The following STK3 variants were observed in gnomAD, a reference collection of about 807,000 sequenced individuals.
The protein encoded by STK3 is serine/threonine-protein kinase 3.
Under a neutral mutation model 58.0 loss-of-function variants are expected in STK3, and 41 were observed. The ratio of observed to expected loss-of-function variants is 0.71; its 90% CI spans 0.55 to 0.92. STK3 has a LOEUF of 0.92. Among genes scored for constraint, STK3 ranks in the 40% least tolerant of loss-of-function variants. The pLI is 0.00. For synonymous variants in STK3, 170 were observed against 191.0 expected (o/e 0.89, Z 0.91); for missense variants, 479 against 602.7 (o/e 0.79, Z 2.15).
intron 7 of STK3, among the ~76,000 whole-genome samples, chr8:98,589,127 T>A (rs1814984360): frequency 6.6e-6 from 1 of 152,238 alleles, no homozygotes; most frequent in Admixed American, 6.5e-5. Flanking sequence ...CCAGCTTTGT[T>A]CCGTTGCTGG....
chr8:98,599,849 T>C (rs1209247122), intron 6 of STK3, among the ~76,000 whole-genome samples: 5 of 152,054 alleles, frequency 3.3e-5, no homozygotes, highest in Non-Finnish European at 7.4e-5. Flanking sequence ...CAGGCACTTG[T>C]AATCCCAGCT....
chr8:98,804,797 T>A (rs182348576), intron 1 of STK3, among the ~76,000 whole-genome samples: 43 of 152,320 alleles, frequency 2.8e-4, no homozygotes, highest in Admixed American at 2.4e-3. Flanking sequence ...TATGCCATAT[T>A]ACATAATAGT....
intron 3 of STK3, among the ~76,000 whole-genome samples, chr8:98,858,436 G>C (rs1256730382): frequency 2.0e-5 from 3 of 148,112 alleles, no homozygotes; most frequent in African/African-American, 7.4e-5. Flanking sequence ...CAAAGTGCTA[G>C]GATTACAGGC....
At chr8:98,684,940 G>C (rs1823883064) in intron 6 of STK3, among the ~76,000 whole-genome samples, 1 of 152,084 alleles carries the variant, frequency 6.6e-6, no homozygotes, top group African/African-American at 2.4e-5. Flanking sequence ...AATAAGTATG[G>C]TTTCATGTAT....
At chr8:98,387,193 G>A (rs1817799874) in intron 1 of STK3, among the ~76,000 whole-genome samples, 1 of 152,028 alleles carries the variant, frequency 6.6e-6, no homozygotes, top group Non-Finnish European at 1.5e-5. Context: ...ATCTTGCATA[G>A]AAATACAAAG....
At chr8:98,440,564 C>CGTGTGT (rs59209840) in intron 1 of STK3, among the ~76,000 whole-genome samples, 5 of 150,056 alleles carry the variant, frequency 3.3e-5, no homozygotes, top group South Asian at 2.1e-4. Context: ...TACATAAGCA[C>CGTGTGT]GTGTGTGTGT....
chr8:98,886,402 T>G (rs191509845), intron 1 of STK3, among the ~76,000 whole-genome samples: 159 of 152,356 alleles, frequency 1.0e-3, no homozygotes, highest in African/African-American at 3.7e-3. Context: ...AATCTGAAAT[T>G]TATTAAAACA....
At chr8:98,748,462 T>C (rs1191478527) in intron 4 of STK3, among the ~76,000 whole-genome samples, 3 of 152,134 alleles carry the variant, frequency 2.0e-5, no homozygotes, top group Non-Finnish European at 4.4e-5. Flanking sequence ...TACAGTGTAC[T>C]TCCCAAATCA....
At chr8:98,581,400 T>G (rs1279298746) in intron 7 of STK3, among the ~76,000 whole-genome samples, 1 of 152,156 alleles carries the variant, frequency 6.6e-6, no homozygotes, top group East Asian at 1.9e-4. Context: ...TGGTCTTCAC[T>G]GGCACTCCCC....
intron 3 of STK3, among the ~76,000 whole-genome samples, chr8:98,754,745 T>C (rs1830186310): frequency 1.3e-5 from 2 of 152,024 alleles, no homozygotes; most frequent in Admixed American, 1.3e-4. Context: ...CCTGGCCTCA[T>C]GTGTTCTGCC....
intron 9 of STK3, among the ~76,000 whole-genome samples, chr8:98,535,374 A>G (rs1809669132): frequency 6.6e-6 from 1 of 152,214 alleles, no homozygotes; most frequent in South Asian, 2.1e-4. Context: ...TCCAGTGAAG[A>G]CAACAGCACT....
downstream of STK3, among the ~76,000 whole-genome samples, chr8:98,453,967 A>G (rs1819319314): frequency 6.6e-6 from 1 of 152,210 alleles, no homozygotes; most frequent in Non-Finnish European, 1.5e-5. Context: ...TGAAGCATAT[A>G]TTGTAAATTC....
intron 1 of STK3, chr8:98,942,332 G>C (rs1047670133): frequency 2.6e-5 from 4 of 152,332 alleles, no homozygotes; most frequent in African/African-American, 7.2e-5. Flanking sequence ...GCGCGGCCGG[G>C]CCACGCGGCA....
chr8:98,456,603 A>G (rs1819505901), intron 10 of STK3, among the ~76,000 whole-genome samples: 1 of 152,184 alleles, frequency 6.6e-6, no homozygotes, highest in Admixed American at 6.6e-5. Context: ...AGAGTAATCC[A>G]GATTTGGTTT....
chr8:98,364,941 C>T, the STK3 span, among the ~76,000 whole-genome samples: 10 of 150,482 alleles, frequency 6.6e-5, no homozygotes, highest in Non-Finnish European at 1.5e-4. Flanking sequence ...TCATCCCCTC[C>T]TCCGGAGTTT....
At chr8:98,733,604 G>A (rs1468352447) in intron 4 of STK3, among the ~76,000 whole-genome samples, 1 of 152,194 alleles carries the variant, frequency 6.6e-6, no homozygotes, top group Non-Finnish European at 1.5e-5. Context: ...GAGGACCACT[G>A]TGCTAACGGA....
chr8:98,684,800 C>T (rs1432923657), intron 6 of STK3, among the ~76,000 whole-genome samples: 1 of 152,114 alleles, frequency 6.6e-6, no homozygotes, highest in Non-Finnish European at 1.5e-5. Flanking sequence ...TCTATAGATT[C>T]AAGTTGCAAA....
At chr8:98,930,761 A>T (rs538567098) in intron 1 of STK3, among the ~76,000 whole-genome samples, 2 of 152,340 alleles carry the variant, frequency 1.3e-5, no homozygotes, top group South Asian at 4.1e-4. Flanking sequence ...AATTACAACC[A>T]AACTGGTGTC....
upstream of STK3, among the ~76,000 whole-genome samples, chr8:98,830,145 G>A (rs193224196): frequency 1.1e-3 from 167 of 152,146 alleles, no homozygotes; most frequent in Middle Eastern, 3.4e-3. Flanking sequence ...AGGAGAATGC[G>A]TGAACCTGGG....
Sources: allele counts gnomAD v4.1 joint callset (sites outside exome capture counted in the v4.1 genomes callset), GRCh38; gene constraint gnomAD v4.1.1; transcripts MANE v1.5; gene names NCBI Gene and HGNC (gene_info 2026-07-23, HGNC 2026-07-21).